Variants in AGBL1 observed in about 807,000 individuals in gnomAD.
AGBL1 encodes cytosolic carboxypeptidase 4.
AGBL1 carries 130 observed loss-of-function variants against 118.9 expected under a neutral mutation model. That is an observed-to-expected ratio of 1.09 (90% confidence interval 0.95 to 1.26). The LOEUF is 1.26. Ranked by LOEUF, AGBL1 falls within the 50% of genes most tolerant of loss-of-function variation. AGBL1 has a pLI of 0.00. For missense variants in AGBL1, 1,584 were observed against 1,298.1 expected (o/e 1.22, Z -3.38); for synonymous variants, 555 against 478.9 (o/e 1.16, Z -2.08).
At chr15:86,787,017 C>G (rs945061006) in intron 22 of AGBL1, among the ~76,000 whole-genome samples, 1 of 152,208 alleles carries the variant, frequency 6.6e-6, no homozygotes, top group African/African-American at 2.4e-5. Flanking sequence ...CACATTTTGT[C>G]AACACTTGGT....
At chr15:86,547,392 A>G (rs1280980358) in intron 20 of AGBL1, among the ~76,000 whole-genome samples, 1 of 152,132 alleles carries the variant, frequency 6.6e-6, no homozygotes, top group Admixed American at 6.6e-5. Flanking sequence ...AATAATATTA[A>G]TAGATAATTC....
intron 18 of AGBL1, among the ~76,000 whole-genome samples, chr15:86,436,678 A>G (rs180768825): frequency 4.9e-4 from 74 of 152,346 alleles, no homozygotes; most frequent in Non-Finnish European, 8.1e-4. Flanking sequence ...TAGTAATAAT[A>G]TTTGTTGACA....
At chr15:86,446,044 G>A (rs1393343428) in intron 18 of AGBL1, among the ~76,000 whole-genome samples, 1 of 152,166 alleles carries the variant, frequency 6.6e-6, no homozygotes, top group African/African-American at 2.4e-5. Flanking sequence ...GGTAGACAGT[G>A]GCTGAGAGGT....
rs563023472 is a variant in AGBL1 at position 86,154,765 on chromosome 15, C to T, written c.394+204C>T. Reference sequence around the variant, plus strand: ...TCATCTTCTCCTTAGCTGGGTAGAGCTCTTGAGTCTGCTCCTAGAGATGGA... The same window carrying T: ...TCATCTTCTCCTTAGCTGGGTAGAGTTCTTGAGTCTGCTCCTAGAGATGGA... On this transcript the variant is annotated intron_variant, in intron 4 of 22. Coordinates refer to ENST00000614907, the MANE Select transcript of AGBL1 (RefSeq NM_001386094.1). 7.3e-4 allele frequency among the ~76,000 whole-genome samples: 111 copies of T among 152,254 alleles called. 1 individual carries two copies. The South Asian group carries it at 0.022, about 30-fold the overall frequency.
At chr15:86,579,341 A>G (rs1567068095) in intron 21 of AGBL1, among the ~76,000 whole-genome samples, 1 of 152,264 alleles carries the variant, frequency 6.6e-6, no homozygotes, top group African/African-American at 2.4e-5. Context: ...ACTGAACTGC[A>G]AGATTTATAA....
chr15:86,538,591 T>C (rs540188628), intron 19 of AGBL1, among the ~76,000 whole-genome samples: 4 of 152,316 alleles, frequency 2.6e-5, no homozygotes, highest in South Asian at 2.1e-4. Flanking sequence ...TTAGCCTCAG[T>C]TGGTTTAATT....
chr15:86,174,529 G>A (rs576172519), intron 5 of AGBL1, among the ~76,000 whole-genome samples: 1 of 152,128 alleles, frequency 6.6e-6, no homozygotes, highest in Non-Finnish European at 1.5e-5. Context: ...TCTTGTTCCA[G>A]TTCTCAGAGG....
At chr15:86,450,661 G>A (rs904520056) in intron 18 of AGBL1, among the ~76,000 whole-genome samples, 3 of 152,098 alleles carry the variant, frequency 2.0e-5, no homozygotes, top group Admixed American at 6.5e-5. Context: ...AGAGATATTT[G>A]GACTCAAATT....
intron 4 of AGBL1, among the ~76,000 whole-genome samples, chr15:86,157,334 T>C (rs1228298087): frequency 1.3e-5 from 2 of 152,168 alleles, no homozygotes; most frequent in African/African-American, 4.8e-5. Flanking sequence ...AAAGGACAAC[T>C]CTCATTAATG....
chr15:86,636,742 TATATATATATATATATAC>T lies in AGBL1; in HGVS notation c.2995-37529_2995-37512del, dbSNP rs1311031699. 8.6e-3 allele frequency among the ~76,000 whole-genome samples: 471 copies of T among 54,776 alleles called. 43 individuals carry two copies. Among genetic ancestry groups the T allele is most frequent in the South Asian group, 0.013 (18 of 1,356 alleles). 35.9% of individuals were successfully genotyped at this position (54,776 alleles called of 152,430 possible). On this transcript the variant is annotated intron_variant, in intron 21 of 22. Coordinates refer to ENST00000614907, the MANE Select transcript of AGBL1 (RefSeq NM_001386094.1). ...ATATATATATATATATATATATATA[TATATATATATATATATAC>T]ACATACATACAGAAAGGCAAGAGAA...
At chr15:86,530,550 T>C (rs9750726) in intron 19 of AGBL1, among the ~76,000 whole-genome samples, 85,218 of 131,056 alleles carry the variant, frequency 0.65, 29,623 homozygotes, top group African/African-American at 0.91. Context: ...GACAGATCAA[T>C]GAGACAGAAA....
At chr15:86,244,674 C>A (rs962208258) in intron 6 of AGBL1, among the ~76,000 whole-genome samples, 3 of 151,870 alleles carry the variant, frequency 2.0e-5, no homozygotes, top group Admixed American at 1.3e-4. Flanking sequence ...TTTCTCCCCC[C>A]ACCAAAAAAG....
At chr15:86,847,651 C>T (rs144194289) in intron 22 of AGBL1, among the ~76,000 whole-genome samples, 19 of 152,332 alleles carry the variant, frequency 1.2e-4, no homozygotes, top group African/African-American at 2.6e-4. Context: ...CCTCTGCCAA[C>T]GGATCTGTGT....
intron 18 of AGBL1, among the ~76,000 whole-genome samples, chr15:86,508,569 G>A (rs17618362): frequency 0.44 from 65,910 of 151,278 alleles, 15,355 homozygotes; most frequent in East Asian, 0.68. Context: ...GATTTTTTTC[G>A]AGGATTAAAT....
At chr15:86,353,156 T>C (rs919935936) in intron 17 of AGBL1, among the ~76,000 whole-genome samples, 5 of 152,200 alleles carry the variant, frequency 3.3e-5, no homozygotes, top group African/African-American at 1.2e-4. Flanking sequence ...ATATATCCAT[T>C]GTAGCTTTTA....
chr15:86,476,716 C>T (rs1158666344), intron 18 of AGBL1, among the ~76,000 whole-genome samples: 1 of 152,170 alleles, frequency 6.6e-6, no homozygotes, highest in Non-Finnish European at 1.5e-5. Flanking sequence ...GAACTCAGCT[C>T]TGCACCAAGC....
At chr15:86,299,534 C>G (rs1161621574) in intron 17 of AGBL1, among the ~76,000 whole-genome samples, 2 of 152,016 alleles carry the variant, frequency 1.3e-5, no homozygotes, top group African/African-American at 4.8e-5. Flanking sequence ...GAAAATGGAA[C>G]AGGAGCTCCA....
At chr15:87,017,633 C>T (rs1478647459) in intron 24 of AGBL1, among the ~76,000 whole-genome samples, 1 of 152,114 alleles carries the variant, frequency 6.6e-6, no homozygotes, top group Admixed American at 6.6e-5. Context: ...CACAAAAACT[C>T]CTTTCCAGGG....
chr15:86,468,658 G>C (rs1223394707), intron 18 of AGBL1, among the ~76,000 whole-genome samples: 2 of 152,148 alleles, frequency 1.3e-5, no homozygotes, highest in East Asian at 1.9e-4. Context: ...GACTAATAAG[G>C]CTCCTGTGCT....
Sources: gnomAD v4.1 joint callset for allele counts (sites outside exome capture counted in the v4.1 genomes callset) on GRCh38, gnomAD v4.1.1 for gene constraint, MANE v1.5 for transcripts, NCBI Gene and HGNC (gene_info 2026-07-23, HGNC 2026-07-21) for gene names.